BBS9: variants seen among roughly 807,000 people sequenced by gnomAD.
BBS9 encodes the protein Bardet-Biedl syndrome 9.
In BBS9, 89 loss-of-function variants were observed where a neutral mutation model predicts 117.7. That is an observed-to-expected ratio of 0.76 (90% CI 0.64 to 0.90). BBS9 has a LOEUF of 0.90. Among genes scored for constraint, BBS9 ranks in the 40% least tolerant of loss-of-function variants. The pLI, the probability that BBS9 is intolerant of heterozygous loss-of-function variation, is 0.00. For missense variants in BBS9, 982 were observed against 1,042.2 expected (o/e 0.94, Z 0.80); for synonymous variants, 379 against 370.9 (o/e 1.02, Z -0.25).
At chr7:33,271,605 A>G (rs984411952) in intron 7 of BBS9, among the ~76,000 whole-genome samples, 1 of 152,262 alleles carries the variant, frequency 6.6e-6, no homozygotes, top group Non-Finnish European at 1.5e-5. Context: ...ACTAAAAAAG[A>G]CAAATAAGGG....
intron 19 of BBS9, among the ~76,000 whole-genome samples, chr7:33,414,329 C>G (rs1831626596): frequency 1.3e-5 from 2 of 152,278 alleles, no homozygotes; most frequent in Middle Eastern, 3.4e-3. Flanking sequence ...AAAATTTTTA[C>G]AAAGGCCCCT....
At chr7:33,495,035 G>A (rs1383043535) in intron 19 of BBS9, among the ~76,000 whole-genome samples, 1 of 152,052 alleles carries the variant, frequency 6.6e-6, no homozygotes, top group Admixed American at 6.5e-5. Context: ...ATCTAAAAAA[G>A]CAAAAATACA....
chr7:33,560,398 A>G (rs2129111222), intron 21 of BBS9, among the ~76,000 whole-genome samples: 1 of 152,220 alleles, frequency 6.6e-6, no homozygotes, highest in South Asian at 2.1e-4. Context: ...ATTTTTTCCA[A>G]TCCCTTTGTT....
At chr7:33,430,347 A>G (rs940817761) in intron 19 of BBS9, among the ~76,000 whole-genome samples, 1 of 152,172 alleles carries the variant, frequency 6.6e-6, no homozygotes, top group African/African-American at 2.4e-5. Flanking sequence ...CATTTTTCTT[A>G]TTTATTTGTT....
In BBS9 at chr7:33,133,703, G is replaced by A. The variant is rs149383787; in HGVS notation, c.-12+3662G>A. On this transcript the variant is annotated intron_variant, in intron 1 of 22. Transcript: ENST00000242067. ...CCTTTTGTTTATATATTCATCAGCTGATGGACATTTGGGTTGTTTCCAAAT... is the reference window on the plus strand; with the variant it reads ...CCTTTTGTTTATATATTCATCAGCTAATGGACATTTGGGTTGTTTCCAAAT... 5.2e-3 allele frequency among the ~76,000 whole-genome samples: 793 copies of A among 152,264 alleles called. 4 individuals carry two copies. Among genetic ancestry groups the A allele is most frequent in the Non-Finnish European group, 7.5e-3 (513 of 68,020 alleles).
At chr7:33,258,578 G>A (rs1327325929) in intron 6 of BBS9, among the ~76,000 whole-genome samples, 4 of 152,054 alleles carry the variant, frequency 2.6e-5, no homozygotes, top group Non-Finnish European at 4.4e-5. Context: ...ATTGCTATTG[G>A]TAATAAATAA....
intron 21 of BBS9, among the ~76,000 whole-genome samples, chr7:33,599,137 G>A (rs1048355691): frequency 3.3e-5 from 5 of 152,164 alleles, no homozygotes; most frequent in Non-Finnish European, 2.9e-5. Flanking sequence ...AGGCAAGCTA[G>A]CTAAGAGGCC....
intron 21 of BBS9, among the ~76,000 whole-genome samples, chr7:33,549,210 A>C (rs891616539): frequency 4.1e-5 from 4 of 96,466 alleles, no homozygotes; most frequent in African/African-American, 1.6e-4. Flanking sequence ...GTGCTGGGAA[A>C]ACTGGCTAGC....
chr7:33,193,181 G>T (rs1318916187), intron 5 of BBS9, among the ~76,000 whole-genome samples: 1 of 152,018 alleles, frequency 6.6e-6, no homozygotes, highest in Non-Finnish European at 1.5e-5. Context: ...TTATAATGTG[G>T]TATCTCCTAT....
chr7:33,204,406 C>CAA (rs569185367), intron 5 of BBS9, among the ~76,000 whole-genome samples: 93,978 of 133,742 alleles, frequency 0.7, 33,027 homozygotes, highest in Admixed American at 0.78. Flanking sequence ...GACTCCATCT[C>CAA]AAAAAAAAAA....
chr7:33,154,295 G>C (rs1283155607), intron 3 of BBS9, among the ~76,000 whole-genome samples: 1 of 152,116 alleles, frequency 6.6e-6, no homozygotes, highest in African/African-American at 2.4e-5. Context: ...TTGTAAATAA[G>C]ATACTAACAC....
intron 9 of BBS9, among the ~76,000 whole-genome samples, chr7:33,329,466 G>A (rs764863533): frequency 1.3e-4 from 20 of 151,960 alleles, no homozygotes; most frequent in African/African-American, 4.8e-4. Context: ...AAATGTACAT[G>A]CAGTATTATG....
rs78850676 is a variant in BBS9 at position 33,568,690 on chromosome 7, A to G, written c.2521+34514A>G. Among the ~76,000 whole-genome samples the G allele has an allele frequency of 4.5e-3, 685 of 152,326 alleles. 2 individuals carry two copies. The highest frequency in any genetic ancestry group is 0.015 in the African/African-American group (638 of 41,582). ...TTTCAGAATTTCTCTTCTAACTTCTATAAGAGCTTAACTTCAAAACATGTT... is the reference window on the plus strand; with the variant it reads ...TTTCAGAATTTCTCTTCTAACTTCTGTAAGAGCTTAACTTCAAAACATGTT... On this transcript the variant is annotated intron_variant, in intron 21 of 22. Transcript: ENST00000242067.
In BBS9 at chr7:33,451,467, A is replaced by C. The variant is rs60902947; in HGVS notation, c.2116-53996A>C. Among the ~76,000 whole-genome samples, 11 of 152,242 alleles carry C rather than the reference A, an allele frequency of 7.2e-5. No individual in the cohort carries two copies. In the South Asian group the frequency reaches 2.3e-3, roughly 32 times the overall value. ...AGAAGAGACTATATTTTCACCCACT[A>C]TGTAGTCTTGGCACCCTTGTTGAAG... On this transcript the variant is annotated intron_variant, in intron 19 of 22. Coordinates refer to ENST00000242067, the MANE Select transcript of BBS9 (RefSeq NM_198428.3).
chr7:33,209,699 T>G (rs1408332889), intron 5 of BBS9, among the ~76,000 whole-genome samples: 1 of 152,170 alleles, frequency 6.6e-6, no homozygotes, highest in East Asian at 1.9e-4. Flanking sequence ...TCATAGTACC[T>G]CCTAAGGATC....
intron 1 of BBS9, among the ~76,000 whole-genome samples, chr7:33,132,643 C>T (rs1322455844): frequency 6.6e-6 from 1 of 152,004 alleles, no homozygotes; most frequent in Non-Finnish European, 1.5e-5. Flanking sequence ...TTTTGTAACC[C>T]AAAAGCCAGG....
intron 19 of BBS9, among the ~76,000 whole-genome samples, chr7:33,499,745 A>T (rs952307969): frequency 6.6e-6 from 1 of 152,198 alleles, no homozygotes; most frequent in Non-Finnish European, 1.5e-5. Flanking sequence ...TCTTATTTTT[A>T]AAATGGGAGC....
At chr7:33,156,332 G>C (rs1210930072) in intron 4 of BBS9, among the ~76,000 whole-genome samples, 2 of 152,018 alleles carry the variant, frequency 1.3e-5, no homozygotes, top group Non-Finnish European at 2.9e-5. Context: ...GATAAGTTTA[G>C]TTCAAGTTGA....
intron 20 of BBS9, among the ~76,000 whole-genome samples, chr7:33,519,765 T>C (rs1848332532): frequency 1.3e-5 from 2 of 152,136 alleles, no homozygotes; most frequent in Admixed American, 6.5e-5. Flanking sequence ...TGATAACAGA[T>C]TGAAAGACAA....
Sources: allele counts gnomAD v4.1 joint callset (sites outside exome capture counted in the v4.1 genomes callset), GRCh38; gene constraint gnomAD v4.1.1; transcripts MANE v1.5; gene names NCBI Gene and HGNC (gene_info 2026-07-23, HGNC 2026-07-21).